Variants in ZNF385D observed in about 807,000 individuals in gnomAD.
The protein encoded by ZNF385D is zinc finger protein 659.
In ZNF385D, 15 loss-of-function variants were observed where a neutral mutation model predicts 35.8. That is an observed-to-expected ratio of 0.42 (90% CI 0.28 to 0.64). The LOEUF is 0.64. Ranked by LOEUF, ZNF385D falls within the 30% of genes least tolerant of loss-of-function variation. The pLI is 0.23. For missense variants in ZNF385D, 474 were observed against 494.6 expected (o/e 0.96, Z 0.39); for synonymous variants, 212 against 186.8 (o/e 1.13, Z -1.10).
At chr3:21,920,028 G>A (rs745513149) in intron 3 of ZNF385D, among the ~76,000 whole-genome samples, 1 of 152,178 alleles carries the variant, frequency 6.6e-6, no homozygotes, top group African/African-American at 2.4e-5. Flanking sequence ...TCCAGGGGTT[G>A]AGAAAATATG....
At chr3:22,040,207 C>T (rs174103) in intron 3 of ZNF385D, among the ~76,000 whole-genome samples, 100,517 of 152,068 alleles carry the variant, frequency 0.66, 33,394 homozygotes, top group Middle Eastern at 0.79. Flanking sequence ...TTTGTAAATG[C>T]TTCCTTTATT....
chr3:22,120,204 C>T (rs1475884385), intron 3 of ZNF385D, among the ~76,000 whole-genome samples: 2 of 151,860 alleles, frequency 1.3e-5, no homozygotes, highest in African/African-American at 4.8e-5. Flanking sequence ...AACAAAATAC[C>T]ACAGACTAGT....
chr3:21,604,820 G>A (rs2064428902), intron 2 of ZNF385D, among the ~76,000 whole-genome samples: 1 of 152,136 alleles, frequency 6.6e-6, no homozygotes, highest in South Asian at 2.1e-4. Flanking sequence ...GAGAAGGAGA[G>A]AAATGGGAAC....
At chr3:22,040,049 A>G (rs1420153179) in intron 3 of ZNF385D, among the ~76,000 whole-genome samples, 1 of 152,124 alleles carries the variant, frequency 6.6e-6, no homozygotes, top group East Asian at 1.9e-4. Flanking sequence ...ATGCATTCGT[A>G]CTAACGGCCA....
chr3:21,802,279 G>A (rs1254610250), intron 3 of ZNF385D, among the ~76,000 whole-genome samples: 1 of 152,102 alleles, frequency 6.6e-6, no homozygotes, highest in South Asian at 2.1e-4. Context: ...AATAAGTAAA[G>A]CTTACAGCTT....
rs1247006601 is a variant in ZNF385D, at chr3:22,224,278, T to C, written c.107-55243A>G. On this transcript the variant is annotated intron_variant, in intron 2 of 5. Transcript: ENST00000494108. The stretch of plus-strand genomic sequence containing the variant: ...AAACTGAAGTTGCTACTTATTTGTA[T>C]TTTTAATCTTCTTTGGAGTAGTAGT... Among the ~76,000 whole-genome samples the C allele has an allele frequency of 3.3e-5, 5 of 152,214 alleles. No individual in the cohort carries two copies. The East Asian group carries it at 9.6e-4, about 29-fold the overall frequency.
At chr3:22,245,701 G>A (rs1309970847) in intron 2 of ZNF385D, among the ~76,000 whole-genome samples, 1 of 149,578 alleles carries the variant, frequency 6.7e-6, no homozygotes, top group African/African-American at 2.5e-5. Flanking sequence ...ACTGTGAAGA[G>A]GAAAGTGGTT....
At chr3:22,230,616 T>A (rs1200184906) in intron 2 of ZNF385D, among the ~76,000 whole-genome samples, 1 of 152,204 alleles carries the variant, frequency 6.6e-6, no homozygotes, top group Non-Finnish European at 1.5e-5. Flanking sequence ...CATCAACCCC[T>A]AAATTCAACC....
In ZNF385D at chr3:21,983,937, G is replaced by A. The variant is rs1327484186; in HGVS notation, c.325+184880C>T. On this transcript the variant is annotated intron_variant, in intron 3 of 5. Transcript: ENST00000494108. ...CCAGTGATGATGAGCATTTTTTCAT[G>A]TGTTTTTTGGCTGCATAAATGTCTT... Among the ~76,000 whole-genome samples, 6 of 135,202 alleles carry A rather than the reference G, an allele frequency of 4.4e-5. 1 individual carries two copies. The South Asian group carries it at 9.6e-4, about 22-fold the overall frequency. The allele number at this position is 135,202 out of a possible 152,430, so 88.7% of individuals were successfully genotyped here. A position where few individuals can be genotyped will look rare whatever the true frequency, so the allele number is the denominator to read the frequency against.
chr3:22,301,763 C>A (rs1459103312), intron 2 of ZNF385D, among the ~76,000 whole-genome samples: 1 of 152,032 alleles, frequency 6.6e-6, no homozygotes, highest in Non-Finnish European at 1.5e-5. Flanking sequence ...TCATTTCAAG[C>A]TACTGCATGT....
At chr3:22,027,562 CT>C (rs1411208406) in intron 3 of ZNF385D, among the ~76,000 whole-genome samples, 1 of 152,186 alleles carries the variant, frequency 6.6e-6, no homozygotes, top group Non-Finnish European at 1.5e-5. Flanking sequence ...TGGCCTGTTA[CT>C]GGGCTTTGGT....
rs1438291607 is a variant in ZNF385D at position 22,287,567 on chromosome 3, G to T, written c.106+84883C>A. The stretch of plus-strand genomic sequence containing the variant: ...TTGGTTATGCTGAGGCTTACAAAAA[G>T]CACCTCATATTTATAACAGGCTATT... On this transcript the variant is annotated intron_variant, in intron 2 of 5. Transcript: ENST00000494108. Among the ~76,000 whole-genome samples the T allele has an allele frequency of 4.0e-5, 6 of 151,748 alleles. No homozygotes were observed. The East Asian group carries it at 9.7e-4, about 25-fold the overall frequency.
At chr3:22,028,109 G>A (rs1202463173) in intron 3 of ZNF385D, among the ~76,000 whole-genome samples, 3 of 152,190 alleles carry the variant, frequency 2.0e-5, no homozygotes, top group Non-Finnish European at 4.4e-5. Context: ...GGATGGTCAG[G>A]GACTTGGAAG....
rs565297685 is a variant in ZNF385D, at chr3:22,272,255, C to A, written c.106+100195G>T. Among the ~76,000 whole-genome samples the A allele has an allele frequency of 6.6e-4, 101 of 151,936 alleles. 1 individual carries two copies. The highest frequency in any genetic ancestry group is 2.2e-4 in the Non-Finnish European group (15 of 67,960). ...ATCCTTTAAATGCATTTTTAACTTG[C>A]AATATTATCAACTTAAAATGGGATT... On this transcript the variant is annotated intron_variant, in intron 2 of 5. Transcript: ENST00000494108.
intron 1 of ZNF385D, among the ~76,000 whole-genome samples, chr3:21,723,712 T>A (rs938800469): frequency 4.6e-5 from 7 of 152,152 alleles, no homozygotes; most frequent in African/African-American, 7.2e-5. Context: ...TAGAACCAAG[T>A]TGGAAAACAC....
chr3:21,460,805 G>A (rs901626886), intron 4 of ZNF385D, among the ~76,000 whole-genome samples: 5 of 152,046 alleles, frequency 3.3e-5, no homozygotes, highest in East Asian at 1.9e-4. Context: ...CAGAAAAATA[G>A]CAATTAATTA....
intron 2 of ZNF385D, among the ~76,000 whole-genome samples, chr3:22,230,779 C>G (rs544513954): frequency 6.6e-6 from 1 of 152,120 alleles, no homozygotes; most frequent in East Asian, 1.9e-4. Context: ...GTTAAGCTGA[C>G]CATGTTCTTT....
chr3:21,911,013 G>T (rs138504442), intron 3 of ZNF385D, among the ~76,000 whole-genome samples: 1 of 151,964 alleles, frequency 6.6e-6, no homozygotes, highest in African/African-American at 2.4e-5. Flanking sequence ...GTATATATGT[G>T]GTTGCATTGG....
rs553257242 is a variant in ZNF385D, at chr3:21,765,217, T to A, written c.326-100189A>T. The stretch of plus-strand genomic sequence containing the variant: ...TACACATAAAATCTGTGTGTGTGTG[T>A]GAGAGAGAGAGAGAGAGAGAGCATT... On this transcript the variant is annotated intron_variant, in intron 3 of 5. Transcript: ENST00000494108. Among the ~76,000 whole-genome samples the A allele has an allele frequency of 6.1e-3, 919 of 149,568 alleles. 6 individuals are homozygous for A. The highest frequency in any genetic ancestry group is 0.027 in the South Asian group (127 of 4,700).
Sources: allele counts gnomAD v4.1 joint callset (sites outside exome capture counted in the v4.1 genomes callset), GRCh38; gene constraint gnomAD v4.1.1; transcripts MANE v1.5; gene names NCBI Gene and HGNC (gene_info 2026-07-23, HGNC 2026-07-21).